The following SLFNL1 variants were observed in gnomAD, a reference collection of about 807,000 sequenced individuals.
SLFNL1 encodes the protein schlafen-like protein 1.
Under a neutral mutation model 32.5 loss-of-function variants are expected in SLFNL1, and 26 were observed. That is an observed-to-expected ratio of 0.80 (90% CI 0.59 to 1.11). SLFNL1 has a LOEUF of 1.11. SLFNL1 is among the 50% of genes least tolerant of loss of function. The pLI, the probability that SLFNL1 is intolerant of heterozygous loss-of-function variation, is 0.00. For synonymous variants in SLFNL1, 255 were observed against 242.2 expected (o/e 1.05, Z -0.49); for missense variants, 553 against 546.5 (o/e 1.01, Z -0.12).
intron 5 of SLFNL1, 45 bp from the exon 6 acceptor site, chr1:41,016,273 C>T (rs199503771): frequency 1.0e-5 from 16 of 1,596,354 alleles, no homozygotes; most frequent in East Asian, 4.6e-5. Flanking sequence ...CGCCTGGTCT[C>T]GGGCCTGTCC....
chr1:41,020,754 G>C lies in SLFNL1; in HGVS notation c.-94C>G. On this transcript the variant is annotated 5_prime_UTR_variant, in exon 3 of 6. Coordinates refer to ENST00000302946, the MANE Select transcript of SLFNL1 (RefSeq NM_144990.4). The stretch of plus-strand genomic sequence containing the variant: ...TCTCAGTGTGGCTTAAGGGCTCCCA[G>C]AGGACTCAGGGAGTGTCCCGGCTCC... 8.3e-7 allele frequency: 1 copy of C among 1,198,524 alleles called. No individual in the cohort carries two copies. 74.2% of individuals were successfully genotyped at this position (1,198,524 alleles called of 1,614,324 possible). A position where few individuals can be genotyped will look rare whatever the true frequency, so the allele number is the denominator to read the frequency against.
chr1:41,017,302 AC>A lies in SLFNL1; in HGVS notation c.1032del (p.Leu346CysfsTer35). ...PQLYQTDQGE[V>X]FLRRDGSIQG... The stretch of plus-strand genomic sequence containing the variant: ...TGGATGCTCCCGTCGCGCCGCAGAA[AC>A]ACCTCCCCCTGGTCTGTCTGGTAGA... On this transcript the variant is annotated frameshift_variant, in exon 5 of 6. Coordinates refer to ENST00000302946, the MANE Select transcript of SLFNL1 (RefSeq NM_144990.4). LOFTEE classifies it high-confidence loss of function. The surrounding 1 kb of genome is among the most constrained non-coding windows in gnomAD (Gnocchi z 4.9). 1 of 1,613,250 alleles carries A rather than the reference AC, an allele frequency of 6.2e-7. No individual in the cohort carries two copies. Among genetic ancestry groups the A allele is most frequent in the Non-Finnish European group, 8.5e-7 (1 of 1,179,818 alleles).
intron 3 of SLFNL1, chr1:41,018,368 C>T (rs1029809797): frequency 5.1e-5 from 24 of 470,188 alleles, no homozygotes; most frequent in East Asian, 6.6e-5. Flanking sequence ...TTCCAGTCAG[C>T]GCTCCTTTCC....
rs745632859 is a variant in SLFNL1 at position 41,017,924 on chromosome 1, C to T, written c.668G>A (p.Arg223His). The change falls in exon 4 of 6, where the codon CGC becomes CAC. Residue 223 changes from arginine (R) to histidine (H), a missense_variant. Physicochemically the swap from Arg to His is conservative, Grantham distance 29. Transcript: ENST00000302946. This position sits in a 1 kb window ranked among gnomAD's most constrained non-coding sequence, Gnocchi z 4.9. ...GCTACCCCGCTTGAACTCCATATTG[C>T]GGGTCTCGCTGCCCAGGAAGGCACC... ...FQGAFLGSETRNMEFKRGSGE... is the reference protein window; with the variant it reads ...FQGAFLGSETHNMEFKRGSGE... 6.8e-6 allele frequency: 11 copies of T among 1,612,490 alleles called. No individual in the cohort carries two copies. The highest frequency in any genetic ancestry group is 5.3e-5 in the African/African-American group (4 of 74,952).
intron 3 of SLFNL1, among the ~76,000 whole-genome samples, chr1:41,019,176 A>G (rs961066539): frequency 2.0e-5 from 3 of 151,986 alleles, no homozygotes; most frequent in Non-Finnish European, 4.4e-5. Flanking sequence ...ACTCCTCACA[A>G]TTCTTTCATG....
At position 41,018,439 on chromosome 1, in the gene SLFNL1, C is replaced by T. The variant is rs182680657; in HGVS notation, c.436-283G>A. 2.0e-3 allele frequency: 791 copies of T among 387,764 alleles called. 2 individuals are homozygous for T. The highest frequency in any genetic ancestry group is 3.1e-3 in the Non-Finnish European group (664 of 216,918). 24.0% of individuals were successfully genotyped at this position (387,764 alleles called of 1,614,324 possible). ...ATGCCTGGTGGGGAAGAAGAGATTT[C>T]TGCTTCTCAGGGCTGGGTGCTGGGA... On this transcript the variant is annotated intron_variant, in intron 3 of 5. Coordinates refer to ENST00000302946, the MANE Select transcript of SLFNL1 (RefSeq NM_144990.4).
chr1:41,017,407 C>T lies in SLFNL1; in HGVS notation c.958-30G>A, dbSNP rs369645026. ...GTAGGGGCAACAGCAGCTCTGGAGG[C>T]GCCGCCCCTCACGGTCGGCAGCCCC... On this transcript the variant is annotated intron_variant, in intron 4 of 5. Transcript: ENST00000302946. This position sits in a 1 kb window ranked among gnomAD's most constrained non-coding sequence, Gnocchi z 4.9. 55 of 1,600,150 alleles carry T rather than the reference C, an allele frequency of 3.4e-5. No homozygotes were observed. The highest frequency in any genetic ancestry group is 3.8e-5 in the Non-Finnish European group (45 of 1,172,252).
chr1:41,018,330 G>A (rs945116826), intron 3 of SLFNL1, 174 bp from the exon 4 acceptor site: 12 of 598,354 alleles, frequency 2.0e-5, no homozygotes, highest in South Asian at 3.4e-5. Flanking sequence ...TCCTGCAGCC[G>A]AGGCAGGAAA....
intron 3 of SLFNL1, among the ~76,000 whole-genome samples, chr1:41,019,035 T>A (rs1042087163): frequency 2.6e-5 from 4 of 151,024 alleles, no homozygotes; most frequent in African/African-American, 4.9e-5. Context: ...AGAGACGGGG[T>A]TTCACCATGG....
chr1:41,018,940 A>C (rs972017713), intron 3 of SLFNL1, among the ~76,000 whole-genome samples: 1 of 148,772 alleles, frequency 6.7e-6, no homozygotes, highest in African/African-American at 2.5e-5. Flanking sequence ...TCCGGGTTCA[A>C]GCCATTCTCC....
Position 41,018,045 on chromosome 1 carries a change from G to T in SLFNL1, c.547C>A (p.Gln183Lys). 1 of 1,591,620 alleles carries T rather than the reference G, an allele frequency of 6.3e-7. No individual in the cohort carries two copies. Among genetic ancestry groups the T allele is most frequent in the Non-Finnish European group, 8.6e-7 (1 of 1,169,582 alleles). ...THTLPDRPQAQQLQSCQGRPS... is the reference protein window; with the variant it reads ...THTLPDRPQAKQLQSCQGRPS... Reference sequence around the variant, plus strand: ...CGGCCCTGGCAGCTCTGCAGCTGCTGGGCCTGGGGCCTATCAGGCAGCGTG... The same window carrying T: ...CGGCCCTGGCAGCTCTGCAGCTGCTTGGCCTGGGGCCTATCAGGCAGCGTG... The change falls in exon 4 of 6, where the codon CAG (glutamine) becomes AAG (lysine). Residue 183 changes from glutamine to lysine, a missense_variant. Transcript: ENST00000302946.
Position 41,020,558 on chromosome 1 carries a change from T to C in SLFNL1, c.103A>G (p.Thr35Ala). 1.2e-6 allele frequency: 2 copies of C among 1,613,492 alleles called. No homozygotes were observed. Among genetic ancestry groups the C allele is most frequent in the Non-Finnish European group, 1.7e-6 (2 of 1,180,020 alleles). The change falls in exon 3 of 6, where the codon ACG becomes GCG. Residue 35 changes from threonine (T) to alanine (A), a missense_variant. Coordinates refer to ENST00000302946, the MANE Select transcript of SLFNL1 (RefSeq NM_144990.4). ...LPELPAEQSLTEYSDLEEAPS... is the reference protein window; with the variant it reads ...LPELPAEQSLAEYSDLEEAPS... Reference sequence around the variant, plus strand: ...GCCTCCTCGAGGTCAGAGTACTCCGTCAGGGACTGCTCTGCGGGTAGCTCC... The same window carrying C: ...GCCTCCTCGAGGTCAGAGTACTCCGCCAGGGACTGCTCTGCGGGTAGCTCC...
At chr1:41,018,300 G>C (rs1643522902) in intron 3 of SLFNL1, 144 bp from the exon 4 acceptor site, 1 of 849,844 alleles carries the variant, frequency 1.2e-6, no homozygotes, top group South Asian at 2.4e-5. Context: ...CCAGGCCGAG[G>C]GGCCCAGTTC....
At chr1:41,016,481 CCT>C in intron 5 of SLFNL1, 1 of 500,902 alleles carries the variant, frequency 2.0e-6, no homozygotes, top group Middle Eastern at 5.4e-4. Flanking sequence ...ACTGTTGGTC[CCT>C]TGTCCTCCAT....
chr1:41,016,396 C>T, intron 5 of SLFNL1, 168 bp from the exon 6 acceptor site: 1 of 1,060,776 alleles, frequency 9.4e-7, no homozygotes, highest in Non-Finnish European at 1.3e-6. Context: ...TCAACCGTGT[C>T]AGCCTGAGGG....
rs1159691359 is a variant in SLFNL1 at position 41,016,135 on chromosome 1, G to T, written c.1195C>A (p.Pro399Thr). The stretch of plus-strand genomic sequence containing the variant: ...AGGACACAGCAGGTGCAGGACACAG[G>T]CCCGTGCTGCTGCAGCTGCTGCTGG... ...QLQQQLQQHG[P>T]VSCTCCVL The change falls in exon 6 of 6, where the codon CCT (proline) becomes ACT (threonine). Residue 399 changes from proline (P) to threonine (T), a missense_variant. Pro to Thr is a conservative substitution (Grantham distance 38). Coordinates refer to ENST00000302946, the MANE Select transcript of SLFNL1 (RefSeq NM_144990.4). 1.2e-6 allele frequency: 2 copies of T among 1,614,022 alleles called. No individual in the cohort carries two copies. Among genetic ancestry groups the T allele is most frequent in the Admixed American group, 3.3e-5 (2 of 59,994 alleles).
rs1304521608 is a variant in SLFNL1, at chr1:41,017,783, C to G, written c.809G>C (p.Gly270Ala). Residue 270 changes from glycine to alanine, a missense_variant, in exon 4 of 6, where the codon GGC becomes GCC. Transcript: ENST00000302946. The surrounding 1 kb of genome is among the most constrained non-coding windows in gnomAD (Gnocchi z 4.9). ...VGVEDSGLVQ[G>A]IRCSHRDEDR... ...CTCGTCACGGTGGCTGCAGCGGATG[C>G]CCTGCACCAGGCCGCTGTCCTCTAC... The G allele has an allele frequency of 1.2e-6, 2 of 1,605,688 alleles. No homozygotes were observed. The highest frequency in any genetic ancestry group is 3.4e-5 in the Admixed American group (2 of 59,658).
Position 41,016,039 on chromosome 1 carries a change from C to T in SLFNL1, c.*67G>A, listed in dbSNP as rs1643293199. The T allele has an allele frequency of 1.3e-6, 2 of 1,563,192 alleles. No individual in the cohort carries two copies. The highest frequency in any genetic ancestry group is 2.4e-5 in the South Asian group (2 of 84,092). ...ATGGGCTTTACTGGTTGGCCTTACA[C>T]TCAAACAGGAAATCCCTGGGTCTCA... On this transcript the variant is annotated 3_prime_UTR_variant, in exon 6 of 6. Transcript: ENST00000302946.
At chr1:41,020,131 G>C (rs1643716590) in intron 3 of SLFNL1, 95 bp downstream of exon 3, 14 of 1,305,152 alleles carry the variant, frequency 1.1e-5, no homozygotes, top group Non-Finnish European at 1.4e-5. Context: ...CTTCCCCAGA[G>C]ACACCCCTCC....
Sources: gnomAD v4.1 joint callset for allele counts (sites outside exome capture counted in the v4.1 genomes callset) on GRCh38, gnomAD v4.1.1 for gene constraint, Gnocchi (gnomAD v3.1) non-coding constraint, MANE v1.5 for transcripts, NCBI Gene and HGNC (gene_info 2026-07-23, HGNC 2026-07-21) for gene names.